Variants in ZNFX1 observed in about 807,000 individuals in gnomAD.
ZNFX1 encodes the protein NFX1-type zinc finger-containing protein 1.
In ZNFX1, 78 loss-of-function variants were observed where a neutral mutation model predicts 179.8. That is an observed-to-expected ratio of 0.43 (90% CI 0.36 to 0.52). The LOEUF is 0.52. Ranked by LOEUF, ZNFX1 falls within the 20% of genes least tolerant of loss-of-function variation. The pLI is 0.00. For synonymous variants in ZNFX1, 848 were observed against 868.5 expected, an observed-to-expected ratio of 0.98 and a Z score of 0.42; for missense variants, 1,927 against 2,386.6, an observed-to-expected ratio of 0.81 and a Z score of 4.01.
chr20:49,269,436 C>T (rs573981871), intron 3 of ZNFX1, among the ~76,000 whole-genome samples: 9 of 152,294 alleles, frequency 5.9e-5, no homozygotes, highest in Admixed American at 5.9e-4. Flanking sequence ...AATCCCAGCA[C>T]TTTGGGAGGC....
intron 3 of ZNFX1, among the ~76,000 whole-genome samples, chr20:49,269,272 C>T (rs932327310): frequency 2.0e-5 from 3 of 152,114 alleles, no homozygotes; most frequent in African/African-American, 7.2e-5. Context: ...AATTAAATAC[C>T]ACATGTTCTC....
At position 49,270,751 on chromosome 20, in the gene ZNFX1, C is replaced by A; in HGVS notation, c.1061G>T (p.Arg354Leu). ...EVHLDERPFL[R>L]PNIISGKYDS... ...GTATTTTCCAGAAATGATATTGGGG[C>A]GAAGGAAGGGCCTCTCATCCAAGTG... The change falls in exon 3 of 14, where the codon CGC (arginine) becomes CTC (leucine). Residue 354 changes from arginine to leucine, a missense_variant. By Grantham distance (102) the Arg-to-Leu change is moderately radical. Coordinates refer to ENST00000396105, the MANE Select transcript of ZNFX1 (RefSeq NM_021035.3). This position sits in a 1 kb window ranked among gnomAD's most constrained non-coding sequence, Gnocchi z 4.6. 1.2e-6 allele frequency: 2 copies of A among 1,614,012 alleles called. No individual in the cohort carries two copies. Among genetic ancestry groups the A allele is most frequent in the Non-Finnish European group, 1.7e-6 (2 of 1,180,018 alleles).
intron 8 of ZNFX1, among the ~76,000 whole-genome samples, chr20:49,256,363 T>C (rs6125600): frequency 0.31 from 46,523 of 152,110 alleles, 8,369 homozygotes; most frequent in Middle Eastern, 0.47. Context: ...GTTCCTAAAA[T>C]GCATGCCATG....
In ZNFX1 at chr20:49,247,396, A is replaced by C; in HGVS notation, c.5628T>G (p.Ile1876Met). The stretch of plus-strand genomic sequence containing the variant: ...TTTCCAGAGTATGATTTGTGCCACC[A>C]ATCACTTCCTTACAGTCAGGACACG... ...RGTCPDCKEV[I>M]GGTNHTLERS... The change falls in exon 14 of 14, where the codon ATT (isoleucine) becomes ATG (methionine). Residue 1876 changes from isoleucine to methionine, a missense_variant. Coordinates refer to ENST00000396105, the MANE Select transcript of ZNFX1 (RefSeq NM_021035.3). The C allele has an allele frequency of 6.2e-7, 1 of 1,614,198 alleles. No individual in the cohort carries two copies. The highest frequency in any genetic ancestry group is 8.5e-7 in the Non-Finnish European group (1 of 1,180,034).
In ZNFX1 at chr20:49,248,426, C is replaced by T. The variant is rs1980736266; in HGVS notation, c.4598G>A (p.Arg1533Gln). 6 of 1,607,894 alleles carry T rather than the reference C, an allele frequency of 3.7e-6. No individual in the cohort carries two copies. Among genetic ancestry groups the T allele is most frequent in the Non-Finnish European group, 3.4e-6 (4 of 1,176,054 alleles). The stretch of plus-strand genomic sequence containing the variant: ...AGTACAAGGCACATAGCATGGGGGT[C>T]GGTTGCAGGGCTCAGAGCAGAGTTT... The part of the protein sequence containing the change: ...CTKLCSEPCN[R>Q]PPCYVPCTKL... The change falls in exon 14 of 14, where the codon CGA (arginine) becomes CAA (glutamine). Residue 1533 changes from arginine (R) to glutamine (Q), a missense_variant. By Grantham distance (43) the Arg-to-Gln change is conservative. Coordinates refer to ENST00000396105, the MANE Select transcript of ZNFX1 (RefSeq NM_021035.3). The surrounding 1 kb of genome is among the most constrained non-coding windows in gnomAD (Gnocchi z 4.6).
chr20:49,250,715 T>C (rs1443840329), intron 13 of ZNFX1, among the ~76,000 whole-genome samples: 1 of 151,556 alleles, frequency 6.6e-6, no homozygotes, highest in Non-Finnish European at 1.5e-5. Flanking sequence ...CCATGCCCAG[T>C]TAATTTTTGT....
Position 49,255,810 on chromosome 20 carries a change from A to G in ZNFX1, c.2802T>C (p.Tyr934=), listed in dbSNP as rs768542762. 1.9e-6 allele frequency: 3 copies of G among 1,612,396 alleles called. No homozygotes were observed. Among genetic ancestry groups the G allele is most frequent in the East Asian group, 2.2e-5 (1 of 44,874 alleles). ...QLDLSSRWQL[Y]RLWLQLYQAD... Reference sequence around the variant, plus strand: ...TGGCTAGATGTGGAACACAGTACCTATAAAGCTGCCAGCGAGAACTGAGGT... The same window carrying G: ...TGGCTAGATGTGGAACACAGTACCTGTAAAGCTGCCAGCGAGAACTGAGGT... Residue 934 remains tyrosine, a splice_region_variant and synonymous_variant, in exon 9 of 14, where the codon TAT becomes TAC. Coordinates refer to ENST00000396105, the MANE Select transcript of ZNFX1 (RefSeq NM_021035.3).
intron 10 of ZNFX1, among the ~76,000 whole-genome samples, 176 bp downstream of exon 10, chr20:49,254,319 G>A (rs1365991231): frequency 1.3e-5 from 2 of 152,104 alleles, no homozygotes; most frequent in African/African-American, 2.4e-5. Context: ...GAGCCACTGC[G>A]CCTGGCGAAA....
In ZNFX1 at chr20:49,257,444, T is replaced by C. The variant is rs779583927; in HGVS notation, c.2637A>G (p.Gly879=). ...LDHCGTGTAA[G]QEQATGEWQT... is the part of the protein sequence containing the mutation. ...GCCACTCTCCTGTGGCTTGCTCCTGTCCAGCTGCTGTCCCAGTGCCACAAT... is the reference window on the plus strand; with the variant it reads ...GCCACTCTCCTGTGGCTTGCTCCTGCCCAGCTGCTGTCCCAGTGCCACAAT... The change falls in exon 8 of 14, where the codon GGA becomes GGG. Residue 879 remains glycine (G), a synonymous_variant. Transcript: ENST00000396105. 3.7e-6 allele frequency: 6 copies of C among 1,614,030 alleles called. No individual in the cohort carries two copies. Among genetic ancestry groups the C allele is most frequent in the Non-Finnish European group, 5.1e-6 (6 of 1,180,032 alleles).
intron 11 of ZNFX1, among the ~76,000 whole-genome samples, 178 bp downstream of exon 11, chr20:49,253,488 A>G (rs181289133): frequency 2.4e-4 from 37 of 152,284 alleles, no homozygotes; most frequent in African/African-American, 8.7e-4. Context: ...TTGCCACTAA[A>G]ATATACCCCA....
intron 2 of ZNFX1, 21 bp from the exon 3 acceptor site, chr20:49,271,771 A>T: frequency 6.4e-7 from 1 of 1,570,552 alleles, no homozygotes; most frequent in Non-Finnish European, 8.6e-7. Context: ...TGAAATATTG[A>T]GTAACCACAA....
chr20:49,275,288 G>A (rs1468246732), intron 2 of ZNFX1, among the ~76,000 whole-genome samples: 1 of 151,980 alleles, frequency 6.6e-6, no homozygotes, highest in Non-Finnish European at 1.5e-5. Context: ...AAAGTGGAGG[G>A]TTGGCTGTTT....
At position 49,249,200 on chromosome 20, in the gene ZNFX1, G is replaced by C; in HGVS notation, c.3824C>G (p.Ser1275Cys). The change falls in exon 14 of 14, where the codon TCC (serine) becomes TGC (cysteine). Residue 1275 changes from serine to cysteine, a missense_variant. Ser to Cys is a moderately radical substitution (Grantham distance 112). Coordinates refer to ENST00000396105, the MANE Select transcript of ZNFX1 (RefSeq NM_021035.3). Reference sequence around the variant, plus strand: ...TACTTTTTGGAAGTCAGAAGCTTTGGATACTAAGGTGTGGGTTTCAGGGTG... The same window carrying C: ...TACTTTTTGGAAGTCAGAAGCTTTGCATACTAAGGTGTGGGTTTCAGGGTG... ...QNHPETHTLV[S>C]KASDFQKVPE... is the part of the protein sequence containing the mutation. 6.2e-7 allele frequency: 1 copy of C among 1,614,238 alleles called. No homozygotes were observed. Among genetic ancestry groups the C allele is most frequent in the Non-Finnish European group, 8.5e-7 (1 of 1,180,054 alleles).
rs1981000997 is a variant in ZNFX1, at chr20:49,257,609, C to T, written c.2472G>A (p.Glu824=). The change falls in exon 8 of 14, where the codon GAG becomes GAA. Residue 824 remains glutamate (E), a synonymous_variant. Transcript: ENST00000396105. The part of the protein sequence containing the change: ...EEGEEESSLI[E]IAEEADLIQA... Reference sequence around the variant, plus strand: ...GAATCAGGTCAGCTTCCTCTGCGATCTCTATCAGCGAACTCTCCTCCTCCC... The same window carrying T: ...GAATCAGGTCAGCTTCCTCTGCGATTTCTATCAGCGAACTCTCCTCCTCCC... 1.2e-6 allele frequency: 2 copies of T among 1,613,832 alleles called. No individual in the cohort carries two copies. The highest frequency in any genetic ancestry group is 2.7e-5 in the African/African-American group (2 of 74,842).
chr20:49,272,134 T>C lies in ZNFX1; in HGVS notation c.62-384A>G, dbSNP rs578101246. On this transcript the variant is annotated intron_variant, in intron 2 of 13. Transcript: ENST00000396105. ...CATTGGCCTGGCCACTGCCTTACTA[T>C]ATAACCTTGGCCAAGTTGTATAATT... Among the ~76,000 whole-genome samples the C allele has an allele frequency of 1.6e-3, 244 of 151,774 alleles. 1 individual carries two copies. The highest frequency in any genetic ancestry group is 3.1e-3 in the Non-Finnish European group (208 of 67,978).
Position 49,263,352 on chromosome 20 carries a change from G to A in ZNFX1, c.2283C>T (p.Leu761=). The A allele has an allele frequency of 6.2e-7, 1 of 1,613,580 alleles. No homozygotes were observed. The highest frequency in any genetic ancestry group is 8.5e-7 in the Non-Finnish European group (1 of 1,180,032). ...CCCCTACCTGCACTGGTCCATTCAT[G>A]AGACTTTCCCAGTGCTGGGGTGAGA... is the stretch of plus-strand genomic sequence containing the variant. ...KYISPQHWES[L]MNGPVQDSEW... Residue 761 remains leucine (L), a synonymous_variant, in exon 6 of 14, where the codon CTC becomes CTT. Coordinates refer to ENST00000396105, the MANE Select transcript of ZNFX1 (RefSeq NM_021035.3).
intron 6 of ZNFX1, among the ~76,000 whole-genome samples, chr20:49,261,648 GT>G (rs146430460): frequency 0.095 from 12,878 of 135,780 alleles, 653 homozygotes; most frequent in African/African-American, 0.17. Flanking sequence ...CATGACACAA[GT>G]TTTTTTTTTT....
Position 49,270,005 on chromosome 20 carries a change from T to C in ZNFX1, c.1807A>G (p.Met603Val), listed in dbSNP as rs530773685. Residue 603 changes from methionine (M) to valine (V), a missense_variant, in exon 3 of 14, where the codon ATG becomes GTG. Met to Val is a conservative substitution (Grantham distance 21). Coordinates refer to ENST00000396105, the MANE Select transcript of ZNFX1 (RefSeq NM_021035.3). The surrounding 1 kb of genome is among the most constrained non-coding windows in gnomAD (Gnocchi z 4.6). ...GTGAGAGCAAACTGCAAGGCTTCCA[T>C]CTGGGAGTCATCCAGCTTCAGGGCT... ...KEALKLDDSQ[M>V]EALQFALTRE... The C allele has an allele frequency of 9.3e-6, 15 of 1,614,138 alleles. No individual in the cohort carries two copies. The African/African-American group carries it at 1.3e-4, about 14-fold the overall frequency.
rs569943929 is a variant in ZNFX1, at chr20:49,275,888, C to G, written c.-48-1G>C. 1.6e-5 allele frequency: 25 copies of G among 1,601,360 alleles called. No individual in the cohort carries two copies. In the South Asian group the frequency reaches 1.8e-4, roughly 11 times the overall value. On this transcript the variant is annotated splice_acceptor_variant, in intron 1 of 13. Coordinates refer to ENST00000396105, the MANE Select transcript of ZNFX1 (RefSeq NM_021035.3). LOFTEE classifies it low-confidence loss of function (5UTR_SPLICE). ...ACGTTACTTTCTGTTATCTGGAAAA[C>G]TGCACATGTTGAGTTATCAGTGTCC...
Sources: gnomAD v4.1 joint callset for allele counts (sites outside exome capture counted in the v4.1 genomes callset) on GRCh38, gnomAD v4.1.1 for gene constraint, Gnocchi (gnomAD v3.1) non-coding constraint, MANE v1.5 for transcripts, NCBI Gene and HGNC (gene_info 2026-07-23, HGNC 2026-07-21) for gene names.